Variants in ATR observed in about 807,000 individuals in gnomAD.
ATR encodes serine/threonine-protein kinase ATR.
Under a neutral mutation model 305.3 loss-of-function variants are expected in ATR, and 142 were observed. That is an observed-to-expected ratio of 0.47 (90% CI 0.41 to 0.53). ATR has a LOEUF of 0.53. ATR is among the 20% of genes least tolerant of loss of function. The pLI is 0.00. For missense variants in ATR, 2,135 were observed against 3,133.1 expected (o/e 0.68, Z 7.60); for synonymous variants, 1,050 against 1,068.1 (o/e 0.98, Z 0.33).
At chr3:142,551,241 C>T (rs2034461031) in intron 13 of ATR, among the ~76,000 whole-genome samples, 1 of 152,006 alleles carries the variant, frequency 6.6e-6, no homozygotes, top group Non-Finnish European at 1.5e-5. Context: ...GGGCTGCTCT[C>T]TCTAAAACCC....
chr3:142,488,570 T>A (rs1275938921), intron 35 of ATR, among the ~76,000 whole-genome samples: 1 of 152,234 alleles, frequency 6.6e-6, no homozygotes, highest in Non-Finnish European at 1.5e-5. Context: ...CTACAGATAG[T>A]TAACAGTATT....
rs756677082 is a variant in ATR, at chr3:142,485,153, GAAC to G, written c.6205_6207del (p.Val2069del). On this transcript the variant is annotated inframe_deletion, in exon 36 of 47. Transcript: ENST00000350721. Reference sequence around the variant, plus strand: ...TCTCATACTCACCTGCCAAAATGAAGAACTATATACCGGATGAGATCACCTTGC... The same window carrying G: ...TCTCATACTCACCTGCCAAAATGAAGTATATACCGGATGAGATCACCTTGC... 6.2e-7 allele frequency: 1 copy of G among 1,614,078 alleles called. No individual in the cohort carries two copies. The highest frequency in any genetic ancestry group is 8.5e-7 in the Non-Finnish European group (1 of 1,180,000).
chr3:142,491,755 G>C (rs1478433793), intron 35 of ATR, among the ~76,000 whole-genome samples: 7 of 152,176 alleles, frequency 4.6e-5, no homozygotes, highest in Non-Finnish European at 1.0e-4. Flanking sequence ...ACACTTCCTG[G>C]ATCTAAAGAT....
chr3:142,549,736 A>G, intron 14 of ATR, 63 bp from the exon 15 acceptor site: 1 of 1,477,228 alleles, frequency 6.8e-7, no homozygotes, highest in Non-Finnish European at 9.4e-7. Context: ...ATATTCACAT[A>G]AGCTATGTGC....
chr3:142,462,747 C>CAT (rs2071047916), intron 41 of ATR, among the ~76,000 whole-genome samples: 1 of 152,202 alleles, frequency 6.6e-6, no homozygotes, highest in Non-Finnish European at 1.5e-5. Flanking sequence ...GGATTACAGG[C>CAT]ATGAGCCACT....
intron 36 of ATR, among the ~76,000 whole-genome samples, chr3:142,477,716 T>C (rs901475243): frequency 2.6e-5 from 4 of 152,224 alleles, no homozygotes; most frequent in African/African-American, 7.2e-5. Flanking sequence ...TGAATCCATC[T>C]GGTCCTGGAC....
At chr3:142,558,861 T>G in intron 7 of ATR, 85 bp from the exon 8 acceptor site, 2 of 1,331,550 alleles carry the variant, frequency 1.5e-6, no homozygotes, top group Non-Finnish European at 2.1e-6. Context: ...TTTGAAATAC[T>G]ATCATAATGA....
In ATR at chr3:142,465,226, A is replaced by C; in HGVS notation, c.6912T>G (p.Ala2304=). ...AGFDDMVEIL[A]SLQKPKKISL... ...AAATCTTCTTTGGTTTCTGAAGAGAAGCAAGAATTTCCACCTAAAAGATGA... is the reference window on the plus strand; with the variant it reads ...AAATCTTCTTTGGTTTCTGAAGAGACGCAAGAATTTCCACCTAAAAGATGA... The change falls in exon 41 of 47, where the codon GCT becomes GCG. Residue 2304 remains alanine, a synonymous_variant. Transcript: ENST00000350721. 6.2e-7 allele frequency: 1 copy of C among 1,611,092 alleles called. No individual in the cohort carries two copies. Among genetic ancestry groups the C allele is most frequent in the Non-Finnish European group, 8.5e-7 (1 of 1,178,300 alleles).
Position 142,560,343 on chromosome 3 carries a change from A to G in ATR, c.1461T>C (p.Ile487=). The G allele has an allele frequency of 6.2e-7, 1 of 1,600,464 alleles. No individual in the cohort carries two copies. The highest frequency in any genetic ancestry group is 1.1e-5 in the South Asian group (1 of 90,752). ...LEYSGLKNPV[I]EMLEGIAVVL... ...CAACAGCAATTCCTTCTAACATCTC[A>G]ATAACAGGATTCTTTAGGCCACTGT... The change falls in exon 6 of 47, where the codon ATT becomes ATC. Residue 487 remains isoleucine (I), a synonymous_variant. Transcript: ENST00000350721.
intron 35 of ATR, 108 bp from the exon 36 acceptor site, chr3:142,485,390 C>T: frequency 7.5e-7 from 1 of 1,335,052 alleles, no homozygotes; most frequent in East Asian, 2.5e-5. Flanking sequence ...TTTATCTAGG[C>T]AGAGCAAAGT....
chr3:142,547,958 C>G (rs2108452200), intron 15 of ATR, 48 bp from the exon 16 acceptor site: 1 of 1,512,650 alleles, frequency 6.6e-7, no homozygotes, highest in Middle Eastern at 1.8e-4. Flanking sequence ...ATACTAATAT[C>G]CTGGAAATAA....
rs758923230 is a variant in ATR, at chr3:142,453,242, G to A, written c.7656-9C>T. On this transcript the variant is annotated splice_polypyrimidine_tract_variant and intron_variant, in intron 45 of 46. Transcript: ENST00000350721. ...GAAAAGTCTTTAAGACACTAAAATT[G>A]AAACAAATATTATGGTATGATGTTA... is the stretch of plus-strand genomic sequence containing the variant. The A allele has an allele frequency of 6.2e-7, 1 of 1,610,366 alleles. No individual in the cohort carries two copies. The highest frequency in any genetic ancestry group is 8.5e-7 in the Non-Finnish European group (1 of 1,176,734).
rs376334522 is a variant in ATR at position 142,461,921 on chromosome 3, T to C, written c.7192+19A>G. 9.3e-5 allele frequency: 150 copies of C among 1,609,238 alleles called. 2 individuals carry two copies. In the Middle Eastern group the frequency reaches 3.8e-3, roughly 41 times the overall value. ...ACTTAGTACCCACACTGTATATGTA[T>C]AAGAATTAATTTTAGTACCCTTTTC... On this transcript the variant is annotated intron_variant, in intron 42 of 46. Transcript: ENST00000350721.
chr3:142,523,292 C>T (rs1009507282), intron 22 of ATR, among the ~76,000 whole-genome samples: 4 of 151,910 alleles, frequency 2.6e-5, no homozygotes, highest in Non-Finnish European at 4.4e-5. Flanking sequence ...TGGTGGTGCA[C>T]GCCTGTAATC....
Position 142,556,038 on chromosome 3 carries a change from G to T in ATR, c.2180C>A (p.Ser727Tyr), listed in dbSNP as rs372610600. 6.2e-7 allele frequency: 1 copy of T among 1,613,850 alleles called. No homozygotes were observed. ...GTGTTCAGAGAAAGGTTCTGTTAAA[G>T]AACTTGTCAGATAAAACATGCCGTG... ...TLHGMFYLTSSLTEPFSEHGH... is the reference protein window; with the variant it reads ...TLHGMFYLTSYLTEPFSEHGH... The change falls in exon 10 of 47, where the codon TCT becomes TAT. Residue 727 changes from serine to tyrosine, a missense_variant. Ser to Tyr is a moderately radical substitution (Grantham distance 144). Transcript: ENST00000350721.
At chr3:142,553,169 T>C (rs2034539038) in intron 13 of ATR, 58 bp downstream of exon 13, 2 of 1,561,200 alleles carry the variant, frequency 1.3e-6, no homozygotes, top group Non-Finnish European at 8.8e-7. Flanking sequence ...TTCTTCTTTT[T>C]TGTAACTCTT....
intron 7 of ATR, 93 bp downstream of exon 7, chr3:142,559,158 A>C: frequency 7.3e-7 from 1 of 1,365,024 alleles, no homozygotes; most frequent in Non-Finnish European, 1.0e-6. Flanking sequence ...GAGTATTCCA[A>C]ACACGCACTT....
intron 21 of ATR, among the ~76,000 whole-genome samples, chr3:142,525,662 C>A (rs1458752155): frequency 6.6e-6 from 1 of 152,154 alleles, no homozygotes; most frequent in Non-Finnish European, 1.5e-5. Context: ...TTGGTGCCAT[C>A]CCTGTGATAA....
At chr3:142,515,327 A>T in intron 25 of ATR, 68 bp downstream of exon 25, 1 of 1,584,992 alleles carries the variant, frequency 6.3e-7, no homozygotes, top group Admixed American at 1.7e-5. Context: ...TGTGCTAGGC[A>T]TTCAGATAGA....
Sources: gnomAD v4.1 joint callset for allele counts (sites outside exome capture counted in the v4.1 genomes callset) on GRCh38, gnomAD v4.1.1 for gene constraint, MANE v1.5 for transcripts, NCBI Gene and HGNC (gene_info 2026-07-23, HGNC 2026-07-21) for gene names.